LYAR: variants seen among roughly 807,000 people sequenced by gnomAD.
LYAR encodes the protein cell growth-regulating nucleolar protein.
In LYAR, 37 loss-of-function variants were observed where a neutral mutation model predicts 45.2. The ratio of observed to expected loss-of-function variants is 0.82; its 90% CI spans 0.63 to 1.08. The LOEUF (loss-of-function observed/expected upper bound fraction) is 1.08. LYAR is among the 50% of genes least tolerant of loss of function. The pLI, the probability that LYAR is intolerant of heterozygous loss-of-function variation, is 0.00. For synonymous variants in LYAR, 176 were observed against 155.1 expected, an observed-to-expected ratio of 1.14 and a Z score of -1.00; for missense variants, 493 against 451.0, an observed-to-expected ratio of 1.09 and a Z score of -0.84.
In LYAR at chr4:4,283,667, T is replaced by C; in HGVS notation, c.76A>G (p.Arg26Gly). 2 of 1,613,236 alleles carry C rather than the reference T, an allele frequency of 1.2e-6. No homozygotes were observed. The highest frequency in any genetic ancestry group is 1.7e-6 in the Non-Finnish European group (2 of 1,179,892). ...IQVEKHVSVCRNCECLSCIDC... is the reference protein window; with the variant it reads ...IQVEKHVSVCGNCECLSCIDC... ...ATGCAAGAAAGGCATTCACAGTTTCTGCAAACAGACACATGCTTTTCCACT... is the reference window on the plus strand; with the variant it reads ...ATGCAAGAAAGGCATTCACAGTTTCCGCAAACAGACACATGCTTTTCCACT... The change falls in exon 3 of 10, where the codon AGA becomes GGA. Residue 26 changes from arginine (R) to glycine (G), a missense_variant. Coordinates refer to ENST00000343470, the MANE Select transcript of LYAR (RefSeq NM_017816.3).
At chr4:4,268,487 T>A in intron 9 of LYAR, 43 bp downstream of exon 9, 1 of 1,225,780 alleles carries the variant, frequency 8.2e-7, no homozygotes, top group Non-Finnish European at 1.2e-6. Context: ...AGAAATAAGT[T>A]CTCCCCAGCT....
intron 6 of LYAR, among the ~76,000 whole-genome samples, chr4:4,277,878 C>T (rs1159443508): frequency 6.6e-6 from 1 of 152,176 alleles, no homozygotes; most frequent in Admixed American, 6.5e-5. Flanking sequence ...GGCCTCAGGA[C>T]CCTCTGCTCT....
intron 8 of LYAR, among the ~76,000 whole-genome samples, chr4:4,270,120 T>G (rs1038771979): frequency 6.6e-6 from 1 of 151,990 alleles, no homozygotes; most frequent in African/African-American, 2.4e-5. Context: ...GGAAGATTGC[T>G]TGAGCTCAGG....
At chr4:4,273,298 T>C (rs1719015937) in intron 8 of LYAR, among the ~76,000 whole-genome samples, 1 of 152,244 alleles carries the variant, frequency 6.6e-6, no homozygotes, top group African/African-American at 2.4e-5. Context: ...CAAATTCTTA[T>C]ATATACCTCT....
At chr4:4,282,281 T>C (rs368303918) in intron 3 of LYAR, among the ~76,000 whole-genome samples, 1 of 152,194 alleles carries the variant, frequency 6.6e-6, no homozygotes, top group Non-Finnish European at 1.5e-5. Flanking sequence ...TAATTAGTTG[T>C]AGAATAAATC....
intron 4 of LYAR, among the ~76,000 whole-genome samples, chr4:4,280,902 C>T (rs57776267): frequency 0.035 from 5,353 of 152,266 alleles, 297 homozygotes; most frequent in African/African-American, 0.12. Flanking sequence ...AGATGACATC[C>T]GTCTTTTCAT....
chr4:4,282,909 T>A (rs1186848490), intron 3 of LYAR, among the ~76,000 whole-genome samples: 7 of 152,156 alleles, frequency 4.6e-5, no homozygotes, highest in Non-Finnish European at 4.4e-5. Context: ...GCTCATAAAT[T>A]CACTTTCTGG....
chr4:4,279,459 T>C lies in LYAR; in HGVS notation c.417A>G (p.Glu139=). Residue 139 remains glutamate, a synonymous_variant, in exon 6 of 10, where the codon GAA becomes GAG. Coordinates refer to ENST00000343470, the MANE Select transcript of LYAR (RefSeq NM_017816.3). The part of the protein sequence containing the change: ...ILDQVWNIFS[E]ASNSEPVNKE... ...AGATCTGACTTACGCTGTTGGAAGC[T>C]TCAGAAAAGATATTCCACACCTGGT... The C allele has an allele frequency of 3.1e-6, 5 of 1,610,418 alleles. No homozygotes were observed. Among genetic ancestry groups the C allele is most frequent in the Non-Finnish European group, 4.2e-6 (5 of 1,176,928 alleles).
chr4:4,279,014 A>C (rs184971355), intron 6 of LYAR, among the ~76,000 whole-genome samples: 25 of 152,302 alleles, frequency 1.6e-4, no homozygotes, highest in African/African-American at 5.8e-4. Context: ...AAATGAAGGC[A>C]CTAAGAGGTT....
At chr4:4,286,174 A>G (rs1158396235) in intron 2 of LYAR, among the ~76,000 whole-genome samples, 1 of 152,196 alleles carries the variant, frequency 6.6e-6, no homozygotes, top group Non-Finnish European at 1.5e-5. Flanking sequence ...TTGCTTGGCT[A>G]ATGAGCTAAT....
intron 2 of LYAR, among the ~76,000 whole-genome samples, chr4:4,284,073 C>T (rs12108363): frequency 9.9e-4 from 150 of 152,280 alleles, no homozygotes; most frequent in African/African-American, 3.4e-3. Flanking sequence ...GAGGGAAGGA[C>T]TATTATTGTT....
intron 9 of LYAR, 108 bp from the exon 10 acceptor site, chr4:4,268,131 A>C (rs2108834706): frequency 1.8e-6 from 2 of 1,085,390 alleles, no homozygotes; most frequent in East Asian, 5.8e-5. Context: ...AAAGAAACCC[A>C]GGAGCAAGCG....
intron 6 of LYAR, among the ~76,000 whole-genome samples, chr4:4,276,686 G>A (rs1024154986): frequency 5.9e-5 from 9 of 151,998 alleles, no homozygotes; most frequent in African/African-American, 2.2e-4. Flanking sequence ...GTGAAACCCT[G>A]TCTCTACTAA....
intron 2 of LYAR, 53 bp from the exon 3 acceptor site, chr4:4,283,848 A>C: frequency 1.2e-6 from 1 of 823,292 alleles, no homozygotes; most frequent in Non-Finnish European, 1.8e-6. Context: ...CATTTCAATA[A>C]ATGGCTCATG....
At chr4:4,283,253 C>T (rs1462691045) in intron 3 of LYAR, among the ~76,000 whole-genome samples, 1 of 152,176 alleles carries the variant, frequency 6.6e-6, no homozygotes, top group Non-Finnish European at 1.5e-5. Flanking sequence ...TGGGTTCAAG[C>T]GATTCTCCTG....
In LYAR at chr4:4,274,472, C is replaced by T. The variant is rs776284261; in HGVS notation, c.727G>A (p.Gly243Ser). 1 of 1,614,166 alleles carries T rather than the reference C, an allele frequency of 6.2e-7. No individual in the cohort carries two copies. The highest frequency in any genetic ancestry group is 2.2e-5 in the East Asian group (1 of 44,880). ...TTCTTGCTCCTCTTCCCTGCAGAGC[C>T]ATTGGCCTCAGGGACTTCCTCCCCA... is the stretch of plus-strand genomic sequence containing the variant. ...AGGEEVPEAN[G>S]SAGKRSKKKK... Residue 243 changes from glycine (G) to serine (S), a missense_variant, in exon 7 of 10, where the codon GGC becomes AGC. Physicochemically the swap from Gly to Ser is moderately conservative, Grantham distance 56. Coordinates refer to ENST00000343470, the MANE Select transcript of LYAR (RefSeq NM_017816.3).
chr4:4,284,898 T>G (rs1304452129), intron 2 of LYAR, among the ~76,000 whole-genome samples: 2 of 152,116 alleles, frequency 1.3e-5, no homozygotes, highest in African/African-American at 4.8e-5. Flanking sequence ...CCAACAAGCT[T>G]TCAGTACAAA....
rs761005527 is a variant in LYAR, at chr4:4,283,681, T to C, written c.62A>G (p.His21Arg). Residue 21 changes from histidine to arginine, a missense_variant, in exon 3 of 10, where the codon CAT becomes CGT. Coordinates refer to ENST00000343470, the MANE Select transcript of LYAR (RefSeq NM_017816.3). ...TTCACAGTTTCTGCAAACAGACACA[T>C]GCTTTTCCACTTGTATTTTCTTCAC... Reference protein sequence around the residue: ...ESVKKIQVEKHVSVCRNCECL... With the variant: ...ESVKKIQVEKRVSVCRNCECL... 1.5e-5 allele frequency: 24 copies of C among 1,612,898 alleles called. No individual in the cohort carries two copies. The highest frequency in any genetic ancestry group is 1.7e-5 in the Admixed American group (1 of 59,990).
Position 4,273,625 on chromosome 4 carries a change from G to C in LYAR, c.877C>G (p.Pro293Ala), listed in dbSNP as rs1719041902. ...TCGTCTTCTGGTTCTCCGCCCTCAG[G>C]ATGCTCTGGGAGCTTCATCTTTTTC... The part of the protein sequence containing the change: ...KKKKMKLPEH[P>A]EGGEPEDDEA... The change falls in exon 8 of 10, where the codon CCT becomes GCT. Residue 293 changes from proline (P) to alanine (A), a missense_variant. Physicochemically the swap from Pro to Ala is conservative, Grantham distance 27. Transcript: ENST00000343470. The C allele has an allele frequency of 6.2e-7, 1 of 1,613,376 alleles. No individual in the cohort carries two copies. The highest frequency in any genetic ancestry group is 8.5e-7 in the Non-Finnish European group (1 of 1,179,572).
Sources: gnomAD v4.1 joint callset for allele counts (sites outside exome capture counted in the v4.1 genomes callset) on GRCh38, gnomAD v4.1.1 for gene constraint, MANE v1.5 for transcripts, NCBI Gene and HGNC (gene_info 2026-07-23, HGNC 2026-07-21) for gene names.